Variants in KCNMB2 observed in about 807,000 individuals in gnomAD.
KCNMB2 encodes the protein potassium calcium-activated channel subfamily M regulatory beta subunit 2, also known as calcium-activated potassium channel subunit beta-2.
KCNMB2 carries 9 observed loss-of-function variants against 24.5 expected under a neutral mutation model. The ratio of observed to expected loss-of-function variants is 0.37; its 90% CI spans 0.22 to 0.64. KCNMB2 has a LOEUF of 0.64. Ranked by LOEUF, KCNMB2 falls within the 30% of genes least tolerant of loss-of-function variation. The pLI is 0.63. For missense variants in KCNMB2, 226 were observed against 284.3 expected (o/e 0.79, Z 1.47); for synonymous variants, 109 against 104.4 (o/e 1.04, Z -0.27).
chr3:178,716,682 A>G (rs1014896163), intron 1 of KCNMB2, among the ~76,000 whole-genome samples: 20 of 152,246 alleles, frequency 1.3e-4, no homozygotes, highest in African/African-American at 4.6e-4. Flanking sequence ...ACCTCAAGTG[A>G]TTTGCCCACT....
intron 2 of KCNMB2, among the ~76,000 whole-genome samples, chr3:178,818,759 G>C (rs1460351419): frequency 6.6e-6 from 1 of 152,004 alleles, no homozygotes; most frequent in Non-Finnish European, 1.5e-5. Flanking sequence ...TCTAATCATT[G>C]TACTTGCTTA....
intron 1 of KCNMB2, among the ~76,000 whole-genome samples, chr3:178,658,672 G>A (rs1007534575): frequency 2.6e-5 from 4 of 152,166 alleles, no homozygotes; most frequent in African/African-American, 9.7e-5. Context: ...ATGCATGCCA[G>A]CCAATGAACA....
intron 1 of KCNMB2, among the ~76,000 whole-genome samples, chr3:178,794,766 C>T (rs1353642608): frequency 1.3e-5 from 2 of 152,204 alleles, no homozygotes; most frequent in Non-Finnish European, 2.9e-5. Context: ...AGGGCTGGAA[C>T]TCACAGGTGG....
At chr3:178,704,729 T>C (rs925475043) in intron 1 of KCNMB2, among the ~76,000 whole-genome samples, 6 of 152,210 alleles carry the variant, frequency 3.9e-5, no homozygotes, top group Non-Finnish European at 8.8e-5. Context: ...AGAGGTTAAC[T>C]GGCTTTGTTA....
intron 4 of KCNMB2, among the ~76,000 whole-genome samples, chr3:178,838,115 T>C (rs969400971): frequency 1.3e-5 from 2 of 152,212 alleles, no homozygotes; most frequent in Admixed American, 1.3e-4. Flanking sequence ...TTAAATGCTT[T>C]GGTTCAAAAA....
chr3:178,733,697 T>G (rs1366342170), intron 1 of KCNMB2, among the ~76,000 whole-genome samples: 1 of 152,078 alleles, frequency 6.6e-6, no homozygotes, highest in African/African-American at 2.4e-5. Flanking sequence ...GCTAGGATGG[T>G]CTTGATCTCC....
At chr3:178,806,371 T>C (rs1441396736) in intron 1 of KCNMB2, among the ~76,000 whole-genome samples, 1 of 152,168 alleles carries the variant, frequency 6.6e-6, no homozygotes, top group African/African-American at 2.4e-5. Flanking sequence ...AAATAATACA[T>C]TCAAAGTGTG....
chr3:178,636,205 C>G (rs1189539827), intron 1 of KCNMB2, among the ~76,000 whole-genome samples: 2 of 152,090 alleles, frequency 1.3e-5, no homozygotes, highest in Non-Finnish European at 2.9e-5. Flanking sequence ...CAAAAAAGAT[C>G]CCTTCAGCAT....
chr3:178,584,254 C>T (rs938670599), intron 1 of KCNMB2, among the ~76,000 whole-genome samples: 5 of 152,204 alleles, frequency 3.3e-5, no homozygotes, highest in East Asian at 3.8e-4. Context: ...AAACCCTGAA[C>T]GAGAATGAGA....
chr3:178,572,909 G>A lies in KCNMB2; in HGVS notation c.-68+36198G>A, dbSNP rs963586597. ...GTTTACTAATGTTATAACTGGACACGTTTTAAGTAGGTTTTTTCATTTATT... is the reference window on the plus strand; with the variant it reads ...GTTTACTAATGTTATAACTGGACACATTTTAAGTAGGTTTTTTCATTTATT... On this transcript the variant is annotated intron_variant, in intron 1 of 4. Transcript: ENST00000452583. 7.9e-5 allele frequency among the ~76,000 whole-genome samples: 12 copies of A among 152,138 alleles called. 1 individual carries two copies. The highest frequency in any genetic ancestry group is 1.3e-4 in the Admixed American group (2 of 15,274).
intron 1 of KCNMB2, among the ~76,000 whole-genome samples, chr3:178,594,676 G>A (rs538635046): frequency 6.6e-6 from 1 of 152,154 alleles, no homozygotes; most frequent in East Asian, 1.9e-4. Flanking sequence ...TTTTAGTCTG[G>A]AATTCAAGGG....
chr3:178,605,332 A>G (rs1246142222), intron 1 of KCNMB2, among the ~76,000 whole-genome samples: 2 of 152,182 alleles, frequency 1.3e-5, no homozygotes, highest in African/African-American at 4.8e-5. Context: ...CTGTGGAGAA[A>G]TAAATTTCTG....
intron 1 of KCNMB2, among the ~76,000 whole-genome samples, chr3:178,750,242 G>A (rs1723798573): frequency 6.6e-6 from 1 of 152,008 alleles, no homozygotes; most frequent in African/African-American, 2.4e-5. Context: ...AGAAAATAGG[G>A]CATGGTGATG....
At chr3:178,620,827 C>T (rs1438439145) in intron 1 of KCNMB2, among the ~76,000 whole-genome samples, 1 of 152,076 alleles carries the variant, frequency 6.6e-6, no homozygotes, top group Non-Finnish European at 1.5e-5. Context: ...CTTGCCAATG[C>T]TAAGACTGGA....
intron 1 of KCNMB2, among the ~76,000 whole-genome samples, chr3:178,788,165 A>G (rs1453396070): frequency 2.0e-5 from 3 of 152,164 alleles, no homozygotes; most frequent in African/African-American, 7.2e-5. Context: ...ATTTATACTG[A>G]TCTAGGAGGA....
At chr3:178,638,891 C>T (rs1577065778) in intron 1 of KCNMB2, among the ~76,000 whole-genome samples, 1 of 152,016 alleles carries the variant, frequency 6.6e-6, no homozygotes, top group East Asian at 1.9e-4. Context: ...TATCCAAAGA[C>T]TTAAATTGTT....
intron 1 of KCNMB2, among the ~76,000 whole-genome samples, chr3:178,774,802 C>A (rs1353468973): frequency 6.6e-6 from 1 of 152,208 alleles, no homozygotes; most frequent in Non-Finnish European, 1.5e-5. Context: ...ACAGTAAGAA[C>A]AATAGCTCTA....
At chr3:178,774,346 C>T (rs780780739) in intron 1 of KCNMB2, among the ~76,000 whole-genome samples, 1 of 152,314 alleles carries the variant, frequency 6.6e-6, no homozygotes. Context: ...AAAAGAAAGA[C>T]AGGATAGGAA....
At chr3:178,589,467 TG>T (rs1717583497) in intron 1 of KCNMB2, among the ~76,000 whole-genome samples, 1 of 152,002 alleles carries the variant, frequency 6.6e-6, no homozygotes, top group South Asian at 2.1e-4. Flanking sequence ...GGGGAGGTTG[TG>T]TTTTTTTTGT....
Sources: gnomAD v4.1 joint callset for allele counts (sites outside exome capture counted in the v4.1 genomes callset) on GRCh38, gnomAD v4.1.1 for gene constraint, MANE v1.5 for transcripts, NCBI Gene and HGNC (gene_info 2026-07-23, HGNC 2026-07-21) for gene names.